The following WDR72 variants were observed in gnomAD, a reference collection of about 807,000 sequenced individuals.
WDR72 encodes the protein WD repeat-containing protein 72.
A neutral mutation model predicts 124.2 loss-of-function variants in WDR72; 120 were observed. That is an observed-to-expected ratio of 0.97 (90% CI 0.83 to 1.12). The LOEUF is 1.12. WDR72 is among the 50% of genes most tolerant of loss of function. The pLI is 0.00. For synonymous variants in WDR72, 452 were observed against 441.7 expected (o/e 1.02, Z -0.29); for missense variants, 1,387 against 1,278.8 (o/e 1.08, Z -1.29).
chr15:53,555,620 T>C (rs916306436), intron 18 of WDR72, among the ~76,000 whole-genome samples: 2 of 152,134 alleles, frequency 1.3e-5, no homozygotes, highest in African/African-American at 4.8e-5. Flanking sequence ...AACCAGCTAA[T>C]GTTTTATATT....
At chr15:53,560,856 G>GC (rs1555408402) in intron 18 of WDR72, among the ~76,000 whole-genome samples, 2 of 150,818 alleles carry the variant, frequency 1.3e-5, no homozygotes, top group Non-Finnish European at 3.0e-5. Context: ...CCCAGCCCCG[G>GC]CCCCCCAAAA....
chr15:53,618,454 T>C (rs948229101), intron 14 of WDR72, among the ~76,000 whole-genome samples: 3 of 152,084 alleles, frequency 2.0e-5, no homozygotes, highest in Non-Finnish European at 4.4e-5. Context: ...GCCTCTGTTT[T>C]TTCCTGCTAG....
rs188028613 is a variant in WDR72, at chr15:53,736,137, A to C, written c.-12-2976T>G. Among the ~76,000 whole-genome samples the C allele has an allele frequency of 3.4e-3, 521 of 152,310 alleles. 6 individuals are homozygous for C. Among genetic ancestry groups the C allele is most frequent in the African/African-American group, 0.012 (509 of 41,570 alleles). On this transcript the variant is annotated intron_variant, in intron 1 of 19. Coordinates refer to ENST00000360509, the MANE Select transcript of WDR72 (RefSeq NM_182758.4). ...TAAGAGATATAGATGCTAAGTGAAA[A>C]GACCCAATATTTATCTAATATAAGC...
intron 18 of WDR72, among the ~76,000 whole-genome samples, chr15:53,574,633 A>C (rs1894684375): frequency 6.6e-6 from 1 of 152,144 alleles, no homozygotes; most frequent in Admixed American, 6.6e-5. Context: ...CTTGTCCTAA[A>C]GAGACTATTT....
rs550339613 is a variant in WDR72, at chr15:53,673,176, A to G, written c.1766-7408T>C. Among the ~76,000 whole-genome samples, 16 of 152,272 alleles carry G rather than the reference A, an allele frequency of 1.1e-4. No individual in the cohort carries two copies. In the South Asian group the frequency reaches 3.1e-3, roughly 30 times the overall value. ...AAACTTGTTTTCAACTCCCATTGAC[A>G]TTTACTTTCCAAAATTAACAAAAGT... On this transcript the variant is annotated intron_variant, in intron 13 of 19. Transcript: ENST00000360509.
At chr15:53,593,106 C>T (rs1378476901) in intron 18 of WDR72, among the ~76,000 whole-genome samples, 1 of 152,046 alleles carries the variant, frequency 6.6e-6, no homozygotes, top group East Asian at 1.9e-4. Flanking sequence ...ATTTCCATTG[C>T]TTTCTAGACA....
chr15:53,675,436 T>C (rs549941688), intron 13 of WDR72, among the ~76,000 whole-genome samples: 1 of 152,258 alleles, frequency 6.6e-6, no homozygotes, highest in South Asian at 2.1e-4. Flanking sequence ...GAGGTAGATA[T>C]TCACAGCCAA....
chr15:53,608,757 A>AAAATAAATAAATAAATAAATAAAT (rs377242751), intron 17 of WDR72, among the ~76,000 whole-genome samples: 57 of 123,692 alleles, frequency 4.6e-4, no homozygotes, highest in South Asian at 1.2e-3. Flanking sequence ...TCCTTTCTCA[A>AAAATAAATAAATAAATAAATAAAT]AAATAAATAA....
intron 18 of WDR72, among the ~76,000 whole-genome samples, chr15:53,558,080 C>T (rs1001118342): frequency 6.6e-6 from 1 of 151,882 alleles, no homozygotes; most frequent in Non-Finnish European, 1.5e-5. Context: ...GAACAAAGGC[C>T]CAGGTCACTA....
intron 18 of WDR72, among the ~76,000 whole-genome samples, chr15:53,528,684 G>A (rs771576672): frequency 6.6e-6 from 1 of 151,996 alleles, no homozygotes; most frequent in Non-Finnish European, 1.5e-5. Flanking sequence ...TACACACAGA[G>A]AGGATTAAAT....
intron 16 of WDR72, among the ~76,000 whole-genome samples, chr15:53,611,024 C>T (rs1176914148): frequency 6.6e-6 from 1 of 152,062 alleles, no homozygotes; most frequent in Non-Finnish European, 1.5e-5. Flanking sequence ...TTGGCAATGT[C>T]AGTGAGTTAA....
chr15:53,693,415 C>G (rs1454971005), intron 13 of WDR72, among the ~76,000 whole-genome samples: 4 of 152,134 alleles, frequency 2.6e-5, no homozygotes, highest in Non-Finnish European at 5.9e-5. Flanking sequence ...ATTCTACATA[C>G]CCCTCACTGT....
At chr15:53,659,703 A>T (rs540178406) in intron 14 of WDR72, among the ~76,000 whole-genome samples, 45 of 56,536 alleles carry the variant, frequency 8.0e-4, no homozygotes, top group Middle Eastern at 5.2e-3. Flanking sequence ...AGGCAGTTAT[A>T]AAAAAAAAAA....
chr15:53,700,248 G>A (rs41406846), intron 12 of WDR72, among the ~76,000 whole-genome samples: 2,139 of 152,198 alleles, frequency 0.014, 58 homozygotes, highest in African/African-American at 0.049. Flanking sequence ...GGCAGACATC[G>A]GAAATAATGC....
rs141288384 is a variant in WDR72 at position 53,535,054 on chromosome 15, A to C, written c.3149-11732T>G. On this transcript the variant is annotated intron_variant, in intron 18 of 19. Transcript: ENST00000360509. ...TTTTAAGGTAATAAAGGAAAAAGGA[A>C]ATAAAGAGGATTTGTCATAATTTAA... is the stretch of plus-strand genomic sequence containing the variant. Among the ~76,000 whole-genome samples the C allele has an allele frequency of 4.4e-3, 676 of 152,292 alleles. 2 individuals carry two copies. The highest frequency in any genetic ancestry group is 7.4e-3 in the Non-Finnish European group (506 of 68,016).
chr15:53,539,283 A>G (rs1357683454), intron 18 of WDR72, among the ~76,000 whole-genome samples: 1 of 152,188 alleles, frequency 6.6e-6, no homozygotes, highest in Non-Finnish European at 1.5e-5. Context: ...AGCCATCAGC[A>G]TCAGAATAAG....
chr15:53,724,550 A>T (rs1422817644), intron 2 of WDR72, among the ~76,000 whole-genome samples: 1 of 152,196 alleles, frequency 6.6e-6, no homozygotes, highest in Non-Finnish European at 1.5e-5. Flanking sequence ...CAGGAGACAG[A>T]GAGTGACGGG....
intron 1 of WDR72, among the ~76,000 whole-genome samples, chr15:53,754,294 G>A (rs1372325800): frequency 6.6e-6 from 1 of 152,024 alleles, no homozygotes; most frequent in African/African-American, 2.4e-5. Context: ...CATGGAAAAA[G>A]ACTCATAATA....
chr15:53,623,977 A>G (rs533926998), intron 14 of WDR72, among the ~76,000 whole-genome samples: 112 of 152,256 alleles, frequency 7.4e-4, no homozygotes, highest in African/African-American at 2.6e-3. Flanking sequence ...GGCCACTTGT[A>G]TGTCTTCTTT....
Sources: allele counts gnomAD v4.1 joint callset (sites outside exome capture counted in the v4.1 genomes callset), GRCh38; gene constraint gnomAD v4.1.1; transcripts MANE v1.5; gene names NCBI Gene and HGNC (gene_info 2026-07-23, HGNC 2026-07-21).